The following ACTL8 variants were observed in gnomAD, a reference collection of about 807,000 sequenced individuals.
ACTL8 encodes actin-like protein 8.
In ACTL8, 3 loss-of-function variants were observed where a neutral mutation model predicts 9.3. The ratio of observed to expected loss-of-function variants is 0.32; its 90% CI spans 0.15 to 0.83. The LOEUF (loss-of-function observed/expected upper bound fraction) is 0.83. Ranked by LOEUF, ACTL8 falls within the 40% of genes least tolerant of loss-of-function variation. The pLI is 0.57. For missense variants in ACTL8, 381 were observed against 492.2 expected (o/e 0.77, Z 2.14); for synonymous variants, 224 against 205.9 (o/e 1.09, Z -0.75).
chr1:17,814,725 G>A (rs2066414879), intron 1 of ACTL8, among the ~76,000 whole-genome samples: 1 of 151,814 alleles, frequency 6.6e-6, no homozygotes, highest in Non-Finnish European at 1.5e-5. Flanking sequence ...TCGTAGCATA[G>A]CAAGACTCCA....
chr1:17,760,901 G>A (rs2065997305), intron 1 of ACTL8, among the ~76,000 whole-genome samples: 1 of 152,176 alleles, frequency 6.6e-6, no homozygotes, highest in African/African-American at 2.4e-5. Context: ...AGTTATTACT[G>A]GCTATAAAAC....
intron 1 of ACTL8, among the ~76,000 whole-genome samples, chr1:17,773,488 GT>G (rs2066097425): frequency 6.6e-6 from 1 of 152,232 alleles, no homozygotes; most frequent in African/African-American, 2.4e-5. Flanking sequence ...GCCAAATACA[GT>G]GGTAGGTGCC....
intron 1 of ACTL8, among the ~76,000 whole-genome samples, chr1:17,761,054 TG>T (rs2065998427): frequency 6.8e-6 from 1 of 147,360 alleles, no homozygotes; most frequent in Non-Finnish European, 1.5e-5. Flanking sequence ...GCCAGACTGG[TG>T]GGGGTGGGTG....
At chr1:17,821,086 A>G (rs1053376228) in intron 1 of ACTL8, among the ~76,000 whole-genome samples, 2 of 152,112 alleles carry the variant, frequency 1.3e-5, no homozygotes, top group Non-Finnish European at 2.9e-5. Flanking sequence ...CCATCCATCT[A>G]TCTTCTTTGG....
At chr1:17,779,435 C>A (rs1422025685) in intron 1 of ACTL8, among the ~76,000 whole-genome samples, 3 of 152,160 alleles carry the variant, frequency 2.0e-5, no homozygotes, top group African/African-American at 7.2e-5. Flanking sequence ...TTGGGAAAAT[C>A]CTTTTATCTT....
chr1:17,813,843 A>G (rs2066408406), intron 1 of ACTL8, among the ~76,000 whole-genome samples: 1 of 152,174 alleles, frequency 6.6e-6, no homozygotes, highest in Non-Finnish European at 1.5e-5. Flanking sequence ...GAGCTTTGGT[A>G]CTTTATGTCT....
At chr1:17,764,157 G>A (rs1367521150) in intron 1 of ACTL8, among the ~76,000 whole-genome samples, 1 of 152,188 alleles carries the variant, frequency 6.6e-6, no homozygotes, top group Non-Finnish European at 1.5e-5. Flanking sequence ...TTGGTGGGCA[G>A]CTATGGTCCA....
At chr1:17,789,563 CA>C (rs1184787651) in intron 1 of ACTL8, among the ~76,000 whole-genome samples, 6 of 152,136 alleles carry the variant, frequency 3.9e-5, no homozygotes, top group Non-Finnish European at 8.8e-5. Flanking sequence ...TGCCAGGCAA[CA>C]AAACTGGCCC....
At chr1:17,772,648 G>T (rs1379352393) in intron 1 of ACTL8, among the ~76,000 whole-genome samples, 3 of 152,184 alleles carry the variant, frequency 2.0e-5, no homozygotes, top group African/African-American at 7.2e-5. Flanking sequence ...GGAAGAGGTT[G>T]GGGGGCTCCC....
chr1:17,810,833 T>C (rs945853438), intron 1 of ACTL8, among the ~76,000 whole-genome samples: 1 of 152,244 alleles, frequency 6.6e-6, no homozygotes, highest in Non-Finnish European at 1.5e-5. Flanking sequence ...TGTATATCAA[T>C]AGTTCCTTTT....
chr1:17,812,534 A>G (rs1250750333), intron 1 of ACTL8, among the ~76,000 whole-genome samples: 1 of 150,682 alleles, frequency 6.6e-6, no homozygotes, highest in Non-Finnish European at 1.5e-5. Flanking sequence ...GGCTCAAGCA[A>G]TTCTCCTGCC....
intron 1 of ACTL8, among the ~76,000 whole-genome samples, chr1:17,787,292 T>C (rs370481235): frequency 6.6e-6 from 1 of 152,046 alleles, no homozygotes; most frequent in African/African-American, 2.4e-5. Flanking sequence ...TTTGAGACAG[T>C]CTCATTCTGT....
At chr1:17,794,886 T>A (rs754482935) in intron 1 of ACTL8, among the ~76,000 whole-genome samples, 21 of 152,216 alleles carry the variant, frequency 1.4e-4, no homozygotes, top group Non-Finnish European at 2.5e-4. Context: ...TTAGTGAGAC[T>A]GGACTTTCCT....
chr1:17,813,214 T>C (rs1174495275), intron 1 of ACTL8, among the ~76,000 whole-genome samples: 1 of 152,258 alleles, frequency 6.6e-6, no homozygotes, highest in Non-Finnish European at 1.5e-5. Flanking sequence ...ATCTTTACCT[T>C]GTTCCCAGTC....
intron 1 of ACTL8, among the ~76,000 whole-genome samples, chr1:17,802,587 C>T (rs866064303): frequency 6.6e-6 from 1 of 152,138 alleles, no homozygotes; most frequent in African/African-American, 2.4e-5. Context: ...TGATTCGAGT[C>T]ATATCCCCGA....
intron 1 of ACTL8, among the ~76,000 whole-genome samples, chr1:17,766,758 A>C (rs944922067): frequency 5.3e-5 from 8 of 152,206 alleles, no homozygotes; most frequent in African/African-American, 1.9e-4. Context: ...TTCAGAGACC[A>C]AGCTTTGACC....
chr1:17,806,695 A>G (rs632892), intron 1 of ACTL8, among the ~76,000 whole-genome samples: 73,256 of 152,032 alleles, frequency 0.48, 18,189 homozygotes, highest in East Asian at 0.68. Flanking sequence ...GAGGACATCC[A>G]CACAGGGAGC....
chr1:17,760,963 C>T (rs963096620), intron 1 of ACTL8, among the ~76,000 whole-genome samples: 3 of 152,140 alleles, frequency 2.0e-5, no homozygotes, highest in Admixed American at 6.5e-5. Context: ...TAATTATGTG[C>T]GGCAGTGACG....
intron 1 of ACTL8, among the ~76,000 whole-genome samples, chr1:17,761,642 C>T (rs898288402): frequency 6.6e-5 from 10 of 152,032 alleles, no homozygotes; most frequent in African/African-American, 2.4e-4. Context: ...GTGATCTTAG[C>T]TCACTGTAAC....
Sources: allele counts gnomAD v4.1 joint callset (sites outside exome capture counted in the v4.1 genomes callset), GRCh38; gene constraint gnomAD v4.1.1; transcripts MANE v1.5; gene names NCBI Gene and HGNC (gene_info 2026-07-23, HGNC 2026-07-21).